Variants in NLRP5 observed in about 807,000 individuals in gnomAD.
The protein encoded by NLRP5 is NLR family pyrin domain containing 5.
A neutral mutation model predicts 113.1 loss-of-function variants in NLRP5; 93 were observed. The observed-to-expected ratio is 0.82, with a 90% CI of 0.70 to 0.98. The LOEUF (loss-of-function observed/expected upper bound fraction) is 0.98. Among genes scored for constraint, NLRP5 ranks in the 50% least tolerant of loss-of-function variants. NLRP5 has a pLI of 0.00. For missense variants in NLRP5, 1,808 were observed against 1,514.3 expected (o/e 1.19, Z -3.22); for synonymous variants, 751 against 600.7 (o/e 1.25, Z -3.66).
chr19:56,029,553 G>T (rs1983012059), intron 7 of NLRP5, among the ~76,000 whole-genome samples: 1 of 152,076 alleles, frequency 6.6e-6, no homozygotes, highest in Non-Finnish European at 1.5e-5. Context: ...GGCATAAGCT[G>T]CTGTGCCCGG....
chr19:56,008,872 G>A lies in NLRP5; in HGVS notation c.508+19G>A. 1.9e-6 allele frequency: 3 copies of A among 1,607,596 alleles called. No individual in the cohort carries two copies. Among genetic ancestry groups the A allele is most frequent in the Non-Finnish European group, 1.7e-6 (2 of 1,176,202 alleles). On this transcript the variant is annotated intron_variant, in intron 3 of 14. Transcript: ENST00000390649. ...GTGCCAGGTTAGAGGGGTGGAGTTG[G>A]GGGAAATAGGATGTGCTTAAAGACA...
intron 11 of NLRP5, among the ~76,000 whole-genome samples, chr19:56,045,805 A>G (rs947624044): frequency 3.9e-5 from 6 of 152,304 alleles, no homozygotes; most frequent in Admixed American, 3.9e-4. Context: ...ACAGGGCACA[A>G]TGCCACAAGG....
chr19:56,055,834 C>T (rs188849481), intron 13 of NLRP5, among the ~76,000 whole-genome samples: 105 of 152,182 alleles, frequency 6.9e-4, no homozygotes, highest in Middle Eastern at 6.8e-3. Context: ...CATAAGCCAC[C>T]GCGCCTGGCC....
intron 3 of NLRP5, 137 bp downstream of exon 3, chr19:56,008,990 G>A (rs546507392): frequency 9.1e-5 from 69 of 754,102 alleles, no homozygotes; most frequent in East Asian, 1.6e-4. Context: ...TTAGCTGACC[G>A]GATGGGTTCT....
At chr19:55,992,368 C>G in the NLRP5 span, among the ~76,000 whole-genome samples, 1 of 151,990 alleles carries the variant, frequency 6.6e-6, no homozygotes, top group Non-Finnish European at 1.5e-5. Flanking sequence ...GCTTTATATT[C>G]CTCTTAGTGT....
At chr19:56,048,580 A>G (rs1424686911) in intron 11 of NLRP5, among the ~76,000 whole-genome samples, 1 of 152,032 alleles carries the variant, frequency 6.6e-6, no homozygotes, top group African/African-American at 2.4e-5. Context: ...GTTTCTGTTG[A>G]GAAATCTGTT....
At chr19:55,998,692 A>ATGTGTGTGTGTGTG (rs1272529769), upstream of NLRP5, among the ~76,000 whole-genome samples, 3 of 51,506 alleles carry the variant, frequency 5.8e-5, no homozygotes, top group African/African-American at 1.9e-4. Flanking sequence ...ATATATATAT[A>ATGTGTGTGTGTGTG]TATATATATA....
At chr19:56,026,237 G>C (rs1429114136) in intron 6 of NLRP5, among the ~76,000 whole-genome samples, 1 of 152,004 alleles carries the variant, frequency 6.6e-6, no homozygotes, top group Non-Finnish European at 1.5e-5. Flanking sequence ...CTAAAATTCA[G>C]ATTGGCTTCA....
At chr19:55,990,079 C>CTTTTTTTTTTTTTTTTTT in the NLRP5 span, among the ~76,000 whole-genome samples, 8 of 95,960 alleles carry the variant, frequency 8.3e-5, no homozygotes, top group East Asian at 3.4e-4. Flanking sequence ...TTTCTTTTTT[C>CTTTTTTTTTTTTTTTTTT]TTTTTTTTTT....
At chr19:56,044,517 G>A (rs183821144) in intron 11 of NLRP5, among the ~76,000 whole-genome samples, 5 of 152,276 alleles carry the variant, frequency 3.3e-5, no homozygotes, top group South Asian at 2.1e-4. Context: ...TTGAAGATCC[G>A]TTGGCTGTAA....
chr19:56,032,737 G>T lies in NLRP5; in HGVS notation c.2403G>T (p.Leu801=). 1 of 1,612,822 alleles carries T rather than the reference G, an allele frequency of 6.2e-7. No homozygotes were observed. The highest frequency in any genetic ancestry group is 1.1e-5 in the South Asian group (1 of 90,932). The change falls in exon 8 of 15, where the codon CTG becomes CTT. Residue 801 remains leucine (L), a synonymous_variant. Transcript: ENST00000390649. ...TGACAGAGCGGGCCATGAAGACCCT[G>T]TGTGCCAAGCTGAGGCATCCCACCT...
At chr19:56,015,267 C>T (rs1460848688) in intron 3 of NLRP5, among the ~76,000 whole-genome samples, 3 of 152,144 alleles carry the variant, frequency 2.0e-5, no homozygotes, top group Non-Finnish European at 4.4e-5. Flanking sequence ...GTGATGTCGG[C>T]TCACTGAAAC....
rs951520724 is a variant in NLRP5 at position 56,050,293 on chromosome 19, A to G, written c.2958-125A>G. 160 of 931,062 alleles carry G rather than the reference A, an allele frequency of 1.7e-4. 1 individual carries two copies. Among genetic ancestry groups the G allele is most frequent in the Non-Finnish European group, 2.2e-4 (143 of 638,034 alleles). The allele number at this position is 931,062 out of a possible 1,614,324, so 57.7% of individuals were successfully genotyped here. ...AGACTCCTCAAAAAAAAAAAAGAAA[A>G]AAAAACAAATATGACCCCACCCTAC... On this transcript the variant is annotated intron_variant, in intron 11 of 14. Transcript: ENST00000390649.
intron 7 of NLRP5, 74 bp from the exon 8 acceptor site, chr19:56,032,537 C>G: frequency 7.1e-7 from 1 of 1,403,960 alleles, no homozygotes. Context: ...GGTCCCTCTC[C>G]TCCGACGTGT....
In NLRP5 at chr19:56,027,765, C is replaced by T. The variant is rs202096610; in HGVS notation, c.1532C>T (p.Thr511Ile). 9.0e-5 allele frequency: 146 copies of T among 1,613,868 alleles called. No homozygotes were observed. The highest frequency in any genetic ancestry group is 1.1e-4 in the Non-Finnish European group (135 of 1,179,876). The change falls in exon 7 of 15, where the codon ACC becomes ATC. Residue 511 changes from threonine to isoleucine, a missense_variant. Physicochemically the swap from Thr to Ile is moderately conservative, Grantham distance 89. Transcript: ENST00000390649. ...GCCGCTTTTGTGTTTCATCAGCTCA[C>T]CCCTCGAGGCGTGGTCCGGCGCTGT...
At chr19:55,988,555 T>C in the NLRP5 span, 1 of 151,298 alleles carries the variant, frequency 6.6e-6, no homozygotes, top group African/African-American at 2.4e-5. Flanking sequence ...TTCTTCTACC[T>C]TTATTTATTC....
At chr19:55,993,051 G>A in the NLRP5 span, among the ~76,000 whole-genome samples, 3 of 151,902 alleles carry the variant, frequency 2.0e-5, no homozygotes, top group Non-Finnish European at 4.4e-5. Flanking sequence ...GTTTCTCCAT[G>A]TTGGTCAGGC....
At chr19:56,041,976 C>T (rs1311557440) in intron 11 of NLRP5, among the ~76,000 whole-genome samples, 1 of 151,954 alleles carries the variant, frequency 6.6e-6, no homozygotes, top group Non-Finnish European at 1.5e-5. Flanking sequence ...ACAAAATTGC[C>T]CACAAAAAGC....
At chr19:56,060,438 T>A (rs921823009) in intron 14 of NLRP5, among the ~76,000 whole-genome samples, 1 of 152,158 alleles carries the variant, frequency 6.6e-6, no homozygotes, top group African/African-American at 2.4e-5. Flanking sequence ...ATGAAACCAA[T>A]GTTTTCTCGT....
Sources: gnomAD v4.1 joint callset for allele counts (sites outside exome capture counted in the v4.1 genomes callset) on GRCh38, gnomAD v4.1.1 for gene constraint, MANE v1.5 for transcripts, NCBI Gene and HGNC (gene_info 2026-07-23, HGNC 2026-07-21) for gene names.